Variants in RTL1 observed in about 807,000 individuals in gnomAD.
RTL1 encodes the protein retrotransposon Gag like 1.
For missense variants in RTL1, 1,681 were observed against 1,767.5 expected, an observed-to-expected ratio of 0.95 and a Z score of 0.88; for synonymous variants, 727 against 748.4, an observed-to-expected ratio of 0.97 and a Z score of 0.47.
In RTL1 at chr14:100,881,293, G is replaced by T. The variant is rs1179129589; in HGVS notation, c.3496C>A (p.Leu1166Met). The T allele has an allele frequency of 6.5e-6, 10 of 1,550,376 alleles. No individual in the cohort carries two copies. The highest frequency in any genetic ancestry group is 8.7e-6 in the Non-Finnish European group (10 of 1,146,978). ...TGCCAGCGGCCAGGGCCCAGGAACAGCTCAGCCAGCTCCTGGGCTGGGATG... is the reference window on the plus strand; with the variant it reads ...TGCCAGCGGCCAGGGCCCAGGAACATCTCAGCCAGCTCCTGGGCTGGGATG... ...NTIPAQELAE[L>M]FLGPGRWQRN... Residue 1166 changes from leucine to methionine, a missense_variant, in exon 4 of 4, where the codon CTG (leucine) becomes ATG (methionine). By Grantham distance (15) the Leu-to-Met change is conservative (BLOSUM62 2). Transcript: ENST00000649591. This position sits in a 1 kb window ranked among gnomAD's most constrained non-coding sequence, Gnocchi z 6.6.
chr14:100,883,292 G>A lies in RTL1; in HGVS notation c.1497C>T (p.Asn499=). Residue 499 remains asparagine (N), a synonymous_variant, in exon 4 of 4, where the codon AAC becomes AAT. Coordinates refer to ENST00000649591, the MANE Select transcript of RTL1 (RefSeq NM_001134888.3). This position sits in a 1 kb window ranked among gnomAD's most constrained non-coding sequence, Gnocchi z 5.9. ...SIEFDIVPSP[N]FSVVLGIRWL... Reference sequence around the variant, plus strand: ...AGCGGATGCCTAGGACCACAGAGAAGTTCGGTGAAGGTACGATGTCAAATT... The same window carrying A: ...AGCGGATGCCTAGGACCACAGAGAAATTCGGTGAAGGTACGATGTCAAATT... The A allele has an allele frequency of 6.4e-7, 1 of 1,551,372 alleles. No individual in the cohort carries two copies. The highest frequency in any genetic ancestry group is 8.7e-7 in the Non-Finnish European group (1 of 1,146,818).
At chr14:100,896,072 A>G (rs1052506511) in intron 2 of RTL1, among the ~76,000 whole-genome samples, 2 of 143,150 alleles carry the variant, frequency 1.4e-5, no homozygotes, top group Non-Finnish European at 3.2e-5. Flanking sequence ...CTCCGTCTCA[A>G]AAAAAAAAAA....
rs1033103141 is a variant in RTL1 at position 100,882,248 on chromosome 14, G to C, written c.2541C>G (p.Val847=). The C allele has an allele frequency of 1.9e-6, 3 of 1,551,406 alleles. No individual in the cohort carries two copies. The South Asian group carries it at 3.6e-5, about 18-fold the overall frequency. ...GGCACTCGAAGGCCTCTTGCTCCTCGACTCCCCAGTAGAACTGGTAGGAGC... is the reference window on the plus strand; with the variant it reads ...GGCACTCGAAGGCCTCTTGCTCCTCCACTCCCCAGTAGAACTGGTAGGAGC... ...LLSSYQFYWG[V]EEQEAFECLK... is the part of the protein sequence containing the mutation. The change falls in exon 4 of 4, where the codon GTC becomes GTG. Residue 847 remains valine, a synonymous_variant. Transcript: ENST00000649591.
At chr14:100,897,763 T>TGGGGGGGGGGGGGGGGGGGGGGGGGGGGG (rs1566760864) in intron 2 of RTL1, 1 of 26,760 alleles carries the variant, frequency 3.7e-5, no homozygotes, top group African/African-American at 1.9e-4. Context: ...GGGGGGGGGG[T>TGGGGGGGGGGGGGGGGGGGGGGGGGGGGG]GGGGGGGTGG....
chr14:100,882,950 G>C lies in RTL1; in HGVS notation c.1839C>G (p.Thr613=). ...TGGCACCCACAGGTTCCCAAGGCGC[G>C]GTGGAGGGACACTCGTAAAAGGTCT... ...HSETFYECPS[T]APWEPVGARM... The change falls in exon 4 of 4, where the codon ACC becomes ACG. Residue 613 remains threonine, a synonymous_variant. Coordinates refer to ENST00000649591, the MANE Select transcript of RTL1 (RefSeq NM_001134888.3). 1 of 1,613,682 alleles carries C rather than the reference G, an allele frequency of 6.2e-7. No individual in the cohort carries two copies. The highest frequency in any genetic ancestry group is 8.5e-7 in the Non-Finnish European group (1 of 1,179,886).
In RTL1 at chr14:100,883,723, G is replaced by T. The variant is rs768392310; in HGVS notation, c.1066C>A (p.Gln356Lys). The change falls in exon 4 of 4, where the codon CAA (glutamine) becomes AAA (lysine). Residue 356 changes from glutamine (Q) to lysine (K), a missense_variant. By Grantham distance (53) the Gln-to-Lys change is moderately conservative. Coordinates refer to ENST00000649591, the MANE Select transcript of RTL1 (RefSeq NM_001134888.3). This position sits in a 1 kb window ranked among gnomAD's most constrained non-coding sequence, Gnocchi z 5.9. ...SLDSLIVLIL[Q>K]IEEKLAERRA... ...CTCTCTGCCAGCTTCTCTTCTATTT[G>T]CAGGATGAGCACAATCAGACTGTCT... 6.4e-7 allele frequency: 1 copy of T among 1,551,630 alleles called. No individual in the cohort carries two copies. The highest frequency in any genetic ancestry group is 1.4e-5 in the African/African-American group (1 of 73,158).
Position 100,884,728 on chromosome 14 carries a change from T to G in RTL1, c.61A>C (p.Lys21Gln). ...GAGCCCTCGGAGGACTCCATTTGTT[T>G]TGATGATGGATTCTTATGCTCCATC... is the stretch of plus-strand genomic sequence containing the variant. The part of the protein sequence containing the change: ...TMMEHKNPSS[K>Q]QMESSEGSSN... The change falls in exon 4 of 4, where the codon AAA becomes CAA. Residue 21 changes from lysine to glutamine, a missense_variant. Transcript: ENST00000649591. 6.2e-7 allele frequency: 1 copy of G among 1,608,746 alleles called. No homozygotes were observed. The highest frequency in any genetic ancestry group is 8.5e-7 in the Non-Finnish European group (1 of 1,178,320).
rs1320603667 is a variant in RTL1, at chr14:100,903,453, T to C, written c.-244-67A>G. On this transcript the variant is annotated intron_variant, in intron 1 of 3. Coordinates refer to ENST00000649591, the MANE Select transcript of RTL1 (RefSeq NM_001134888.3). ...AGGTGATCAAGAGGGGGTGCAGGCA[T>C]GGAGATTTATGGAGCCCCGTCTTGG... 3.3e-5 allele frequency among the ~76,000 whole-genome samples: 5 copies of C among 152,088 alleles called. No homozygotes were observed. The South Asian group carries it at 6.2e-4, about 19-fold the overall frequency.
At chr14:100,887,607 A>T (rs182437767) in intron 3 of RTL1, among the ~76,000 whole-genome samples, 2 of 151,692 alleles carry the variant, frequency 1.3e-5, no homozygotes, top group East Asian at 3.9e-4. Flanking sequence ...TACAAAAATT[A>T]GCCGGGAGTA....
chr14:100,884,798 T>C lies in RTL1; in HGVS notation c.-10A>G, dbSNP rs752696765. On this transcript the variant is annotated 5_prime_UTR_variant, in exon 4 of 4. Transcript: ENST00000649591. Reference sequence around the variant, plus strand: ...CAGAGGGTTCTATCATTTCGTCGGATGGAAAGGAGTGTATTCTGAAGATTG... The same window carrying C: ...CAGAGGGTTCTATCATTTCGTCGGACGGAAAGGAGTGTATTCTGAAGATTG... 6.5e-7 allele frequency: 1 copy of C among 1,547,334 alleles called. No individual in the cohort carries two copies. The highest frequency in any genetic ancestry group is 2.3e-5 in the East Asian group (1 of 44,184).
chr14:100,882,612 A>T lies in RTL1; in HGVS notation c.2177T>A (p.Phe726Tyr). Residue 726 changes from phenylalanine (F) to tyrosine (Y), a missense_variant, in exon 4 of 4, where the codon TTC becomes TAC. Physicochemically the swap from Phe to Tyr is conservative, Grantham distance 22. Transcript: ENST00000649591. ...IHFILKDMLGFFVLSYGQEVL... is the reference protein window; with the variant it reads ...IHFILKDMLGYFVLSYGQEVL... Reference sequence around the variant, plus strand: ...TTCCTGGCCATAAGAAAGCACAAAGAACCCTAGCATGTCCTTTAGGATGAA... The same window carrying T: ...TTCCTGGCCATAAGAAAGCACAAAGTACCCTAGCATGTCCTTTAGGATGAA... 1 of 1,551,728 alleles carries T rather than the reference A, an allele frequency of 6.4e-7. No homozygotes were observed. Among genetic ancestry groups the T allele is most frequent in the Non-Finnish European group, 8.7e-7 (1 of 1,147,014 alleles).
At chr14:100,900,507 C>G (rs1299159087) in intron 2 of RTL1, among the ~76,000 whole-genome samples, 1 of 152,222 alleles carries the variant, frequency 6.6e-6, no homozygotes, top group Non-Finnish European at 1.5e-5. Context: ...CTGTCCAGGT[C>G]TCTGCAATTT....
At chr14:100,895,668 G>A (rs2038846033) in intron 2 of RTL1, among the ~76,000 whole-genome samples, 1 of 152,140 alleles carries the variant, frequency 6.6e-6, no homozygotes, top group South Asian at 2.1e-4. Context: ...TACTGGCTGG[G>A]TTTATGCGGA....
rs781549911 is a variant in RTL1, at chr14:100,883,936, G to T, written c.853C>A (p.Arg285Ser). Residue 285 changes from arginine (R) to serine (S), a missense_variant, in exon 4 of 4, where the codon CGT (arginine) becomes AGT (serine). Coordinates refer to ENST00000649591, the MANE Select transcript of RTL1 (RefSeq NM_001134888.3). The surrounding 1 kb of genome is among the most constrained non-coding windows in gnomAD (Gnocchi z 5.9). ...SEVFEYRQAL[R>S]VAEEAMFTIR... ...GTGAACATGGCCTCTTCTGCCACACGCAGTGCCTGGCGGTACTCAAACACT... is the reference window on the plus strand; with the variant it reads ...GTGAACATGGCCTCTTCTGCCACACTCAGTGCCTGGCGGTACTCAAACACT... The T allele has an allele frequency of 1.4e-5, 22 of 1,551,626 alleles. No homozygotes were observed. The highest frequency in any genetic ancestry group is 1.9e-5 in the Non-Finnish European group (22 of 1,146,986).
At position 100,880,726 on chromosome 14, in the gene RTL1, C is replaced by A; in HGVS notation, c.4063G>T (p.Ala1355Ser). 2.6e-6 allele frequency: 4 copies of A among 1,550,878 alleles called. No individual in the cohort carries two copies. The East Asian group carries it at 9.8e-5, about 38-fold the overall frequency. The change falls in exon 4 of 4, where the codon GCT becomes TCT. Residue 1355 changes from alanine (A) to serine (S), a missense_variant. Ala to Ser is a moderately conservative substitution (Grantham distance 99). Transcript: ENST00000649591. ...LEELPDEDED[A>S]NLD ...GGGAGGCGTCTTCAGTCGAGGTTAG[C>A]ATCTTCGTCCTCATCAGGCAGCTCT...
chr14:100,893,291 C>T lies in RTL1; in HGVS notation c.-87+153G>A, dbSNP rs909037804. ...AGTATTTGAATAGAGGCCTTGAGTA[C>T]ACACCACCATGTCATGGTTTTTTCT... On this transcript the variant is annotated intron_variant, in intron 3 of 3. Transcript: ENST00000649591. The surrounding 1 kb of genome is among the most constrained non-coding windows in gnomAD (Gnocchi z 4.2). Among the ~76,000 whole-genome samples, 2 of 152,286 alleles carry T rather than the reference C, an allele frequency of 1.3e-5. No individual in the cohort carries two copies. Among genetic ancestry groups the T allele is most frequent in the African/African-American group, 4.8e-5 (2 of 41,552 alleles).
At chr14:100,888,125 G>A (rs1166086124) in intron 3 of RTL1, among the ~76,000 whole-genome samples, 4 of 152,160 alleles carry the variant, frequency 2.6e-5, no homozygotes, top group Non-Finnish European at 5.9e-5. Flanking sequence ...GCCTCTGCAT[G>A]AGATTTCAAC....
rs184028893 is a variant in RTL1 at position 100,883,595 on chromosome 14, G to A, written c.1194C>T (p.Ser398=). The A allele has an allele frequency of 1.5e-5, 24 of 1,551,398 alleles. 1 individual carries two copies. Among genetic ancestry groups the A allele is most frequent in the East Asian group, 7.3e-5 (3 of 40,896 alleles). Residue 398 remains serine (S), a synonymous_variant, in exon 4 of 4, where the codon AGC becomes AGT. Coordinates refer to ENST00000649591, the MANE Select transcript of RTL1 (RefSeq NM_001134888.3). This position sits in a 1 kb window ranked among gnomAD's most constrained non-coding sequence, Gnocchi z 5.9. ...CGCGATTGATGTCCGGATGGACTTCGCTGGGCAACCAGCTGCTGACCATCC... is the reference window on the plus strand; with the variant it reads ...CGCGATTGATGTCCGGATGGACTTCACTGGGCAACCAGCTGCTGACCATCC... ...ERWMVSSWLP[S]EVHPDINRAH...
intron 3 of RTL1, among the ~76,000 whole-genome samples, chr14:100,891,287 G>T (rs1431658818): frequency 6.6e-6 from 1 of 152,204 alleles, no homozygotes. Context: ...CCCAGTCTCG[G>T]ACATTCCCTC....
Sources: allele counts gnomAD v4.1 joint callset (sites outside exome capture counted in the v4.1 genomes callset), GRCh38; gene constraint gnomAD v4.1.1; non-coding constraint Gnocchi (gnomAD v3.1); transcripts MANE v1.5; gene names NCBI Gene and HGNC (gene_info 2026-07-23, HGNC 2026-07-21).